Variants in PBX1 observed in about 807,000 individuals in gnomAD.
PBX1 encodes the protein pre-B-cell leukemia transcription factor 1.
PBX1 carries 6 observed loss-of-function variants against 53.4 expected under a neutral mutation model. The observed-to-expected ratio is 0.11, with a 90% CI of 0.06 to 0.22. The LOEUF (loss-of-function observed/expected upper bound fraction) is 0.22, where lower values mean the gene tolerates loss of function less well. Ranked by LOEUF, PBX1 falls within the 10% of genes least tolerant of loss-of-function variation. The pLI, the probability that PBX1 is intolerant of heterozygous loss-of-function variation, is 1.00. For synonymous variants in PBX1, 204 were observed against 212.3 expected (o/e 0.96, Z 0.34); for missense variants, 251 against 551.4 (o/e 0.46, Z 5.46).
chr1:164,746,727 T>C (rs1411019591), intron 2 of PBX1, among the ~76,000 whole-genome samples: 3 of 152,172 alleles, frequency 2.0e-5, no homozygotes, highest in Non-Finnish European at 1.5e-5. Flanking sequence ...ACTATTCTTA[T>C]CTCGATTTTT....
intron 2 of PBX1, among the ~76,000 whole-genome samples, chr1:164,580,660 T>A (rs1387729709): frequency 6.6e-6 from 1 of 152,030 alleles, no homozygotes; most frequent in Non-Finnish European, 1.5e-5. Context: ...TACTGCAACC[T>A]CTGTCTCCTG....
intron 2 of PBX1, among the ~76,000 whole-genome samples, chr1:164,698,835 A>T (rs147032674): frequency 1.1e-4 from 17 of 152,316 alleles, no homozygotes; most frequent in Non-Finnish European, 2.2e-4. Flanking sequence ...CACTCAGGTA[A>T]TCCTCACAAC....
chr1:164,881,460 A>G (rs143326358), intron 2 of PBX1, among the ~76,000 whole-genome samples: 77 of 151,434 alleles, frequency 5.1e-4, no homozygotes, highest in African/African-American at 1.8e-3. Context: ...GAAAAATAGA[A>G]AAGAGGAGAG....
intron 2 of PBX1, among the ~76,000 whole-genome samples, chr1:164,767,711 C>T (rs1667137586): frequency 6.6e-6 from 1 of 151,490 alleles, no homozygotes; most frequent in Non-Finnish European, 1.5e-5. Flanking sequence ...GGTTCATTTT[C>T]AAGTTTATAA....
chr1:164,658,326 C>T (rs921635540), intron 2 of PBX1, among the ~76,000 whole-genome samples: 3 of 152,208 alleles, frequency 2.0e-5, no homozygotes, highest in African/African-American at 7.2e-5. Flanking sequence ...TTCTCATCAG[C>T]CTGTTGTGGA....
chr1:164,575,641 T>C (rs1372015331), intron 2 of PBX1, among the ~76,000 whole-genome samples: 4 of 152,218 alleles, frequency 2.6e-5, no homozygotes, highest in Admixed American at 2.6e-4. Flanking sequence ...GAGAGTCTAA[T>C]GATGAGCCCT....
intron 1 of PBX1, 92 bp downstream of exon 1, chr1:164,560,105 C>CTT: frequency 2.1e-6 from 2 of 949,168 alleles, no homozygotes; most frequent in South Asian, 5.0e-5. Flanking sequence ...CACCACAGCG[C>CTT]TTTTTTTGAA....
chr1:164,577,265 G>A (rs1469303034), intron 2 of PBX1, among the ~76,000 whole-genome samples: 1 of 152,150 alleles, frequency 6.6e-6, no homozygotes, highest in African/African-American at 2.4e-5. Context: ...ACTGACATTT[G>A]TTTTCCTTAA....
intron 2 of PBX1, among the ~76,000 whole-genome samples, chr1:164,565,991 A>G (rs1283832467): frequency 6.6e-6 from 1 of 152,140 alleles, no homozygotes; most frequent in Non-Finnish European, 1.5e-5. Context: ...CGAAGTTCAT[A>G]CATTTGGCTC....
intron 2 of PBX1, among the ~76,000 whole-genome samples, chr1:164,651,140 T>C (rs1475841648): frequency 1.3e-5 from 2 of 152,192 alleles, no homozygotes; most frequent in Non-Finnish European, 2.9e-5. Context: ...ATTTGTATGT[T>C]AAAACAATGA....
chr1:164,721,115 A>G (rs549475602), intron 2 of PBX1, among the ~76,000 whole-genome samples: 1 of 152,312 alleles, frequency 6.6e-6, no homozygotes, highest in Admixed American at 6.5e-5. Context: ...TAATCCTGCG[A>G]GTCTGTAAGC....
In PBX1 at chr1:164,847,943, T is replaced by A; in HGVS notation, c.*1267T>A. 4.7e-6 allele frequency: 5 copies of A among 1,053,026 alleles called. No homozygotes were observed. Among genetic ancestry groups the A allele is most frequent in the Non-Finnish European group, 5.7e-6 (5 of 871,588 alleles). 65.2% of individuals were successfully genotyped at this position (1,053,026 alleles called of 1,614,324 possible). On this transcript the variant is annotated 3_prime_UTR_variant, in exon 9 of 9. Coordinates refer to ENST00000420696, the MANE Select transcript of PBX1 (RefSeq NM_002585.4). ...AGGGAGCCCCATACAGTACTTACAA[T>A]GTCTTTAATGGACTTGATTCTGTTT...
chr1:164,742,575 C>T (rs1008512707), intron 2 of PBX1, among the ~76,000 whole-genome samples: 1 of 152,056 alleles, frequency 6.6e-6, no homozygotes, highest in African/African-American at 2.4e-5. Context: ...GTTTTCAGTA[C>T]AGTAGTAGAT....
At chr1:164,612,655 C>T (rs1657014933) in intron 2 of PBX1, among the ~76,000 whole-genome samples, 1 of 151,884 alleles carries the variant, frequency 6.6e-6, no homozygotes, top group African/African-American at 2.4e-5. Context: ...ACAAAAGATT[C>T]TAGACTGGAA....
intron 2 of PBX1, among the ~76,000 whole-genome samples, chr1:164,722,902 G>A (rs1298198096): frequency 6.6e-6 from 1 of 152,138 alleles, no homozygotes; most frequent in Non-Finnish European, 1.5e-5. Context: ...AGTTATACAT[G>A]TATGATTTTT....
chr1:164,602,323 C>G (rs1034942979), intron 2 of PBX1, among the ~76,000 whole-genome samples: 3 of 152,184 alleles, frequency 2.0e-5, no homozygotes, highest in African/African-American at 4.8e-5. Context: ...ACACCCCGCT[C>G]GGTTTCAGTT....
intron 2 of PBX1, among the ~76,000 whole-genome samples, chr1:164,863,945 T>A (rs1330355729): frequency 6.6e-6 from 1 of 152,222 alleles, no homozygotes; most frequent in African/African-American, 2.4e-5. Flanking sequence ...CATTCATTCA[T>A]CTTCCCAGCA....
chr1:164,601,131 C>T (rs770253401), intron 2 of PBX1, among the ~76,000 whole-genome samples: 13 of 146,774 alleles, frequency 8.9e-5, no homozygotes, highest in Non-Finnish European at 1.3e-4. Context: ...CCCAGCTACT[C>T]GGGAGGCTGA....
intron 4 of PBX1, among the ~76,000 whole-genome samples, chr1:164,800,251 A>G (rs970804915): frequency 1.3e-5 from 2 of 152,200 alleles, no homozygotes; most frequent in African/African-American, 4.8e-5. Flanking sequence ...GCTCTCTTCA[A>G]TAAAGTTTAT....
Sources: allele counts gnomAD v4.1 joint callset (sites outside exome capture counted in the v4.1 genomes callset), GRCh38; gene constraint gnomAD v4.1.1; transcripts MANE v1.5; gene names NCBI Gene and HGNC (gene_info 2026-07-23, HGNC 2026-07-21).